The following MBD5 variants were observed in gnomAD, a reference collection of about 807,000 sequenced individuals.
The protein encoded by MBD5 is methyl-CpG binding domain protein 5, also known as methyl-CpG-binding domain protein 5.
Under a neutral mutation model 117.3 loss-of-function variants are expected in MBD5, and 13 were observed. The observed-to-expected ratio is 0.11, with a 90% CI of 0.07 to 0.18. The LOEUF is 0.18. Ranked by LOEUF, MBD5 falls within the 10% of genes least tolerant of loss-of-function variation. The pLI is 1.00. For missense variants in MBD5, 1,879 were observed against 2,093.8 expected, an observed-to-expected ratio of 0.90 and a Z score of 2.00; for synonymous variants, 727 against 766.4, an observed-to-expected ratio of 0.95 and a Z score of 0.85.
intron 10 of MBD5, among the ~76,000 whole-genome samples, chr2:148,486,383 C>A (rs2105097917): frequency 6.6e-6 from 1 of 152,078 alleles, no homozygotes; most frequent in East Asian, 1.9e-4. Context: ...GAAAGGGTAA[C>A]ACTAAATCCA....
At chr2:148,412,272 T>TGTGTGTGTGTG (rs1705276880) in intron 4 of MBD5, among the ~76,000 whole-genome samples, 17 of 144,480 alleles carry the variant, frequency 1.2e-4, no homozygotes, top group Non-Finnish European at 2.1e-4. Flanking sequence ...AGTATACTTT[T>TGTGTGTGTGTG]TGTGTGTGTG....
chr2:148,490,070 A>G lies in MBD5; in HGVS notation c.4438A>G (p.Ile1480Val), dbSNP rs746105686. Residue 1480 changes from isoleucine to valine, a missense_variant, in exon 11 of 14, where the codon ATA becomes GTA. Coordinates refer to ENST00000642680, the MANE Select transcript of MBD5 (RefSeq NM_001378120.1). ...LPFLPGEQHPILLPPRNCPGD... is the reference protein window; with the variant it reads ...LPFLPGEQHPVLLPPRNCPGD... ...ATTTCTGCCTGGGGAACAGCACCCA[A>G]TACTGTTACCACCAAGAAACTGTCC... is the stretch of plus-strand genomic sequence containing the variant. The G allele has an allele frequency of 1.9e-6, 3 of 1,614,010 alleles. No homozygotes were observed. The highest frequency in any genetic ancestry group is 2.5e-6 in the Non-Finnish European group (3 of 1,180,032).
Position 148,513,189 on chromosome 2 carries a change from ACT to A in MBD5, c.*251_*252del. 2.1e-6 allele frequency: 1 copy of A among 484,918 alleles called. No homozygotes were observed. 30.0% of individuals were successfully genotyped at this position (484,918 alleles called of 1,614,324 possible). A position where few individuals can be genotyped will look rare whatever the true frequency, so the allele number is the denominator to read the frequency against. On this transcript the variant is annotated 3_prime_UTR_variant, in exon 14 of 14. Coordinates refer to ENST00000642680, the MANE Select transcript of MBD5 (RefSeq NM_001378120.1). The stretch of plus-strand genomic sequence containing the variant: ...TCAATGGTCAAGAGATTACTGAGAA[ACT>A]CTTTTTCTATAATACTAAATTGTGA...
At chr2:148,406,845 C>T (rs966172300) in intron 4 of MBD5, among the ~76,000 whole-genome samples, 1 of 152,182 alleles carries the variant, frequency 6.6e-6, no homozygotes, top group East Asian at 1.9e-4. Context: ...CTTTCTCATC[C>T]TTTAGGTCTT....
At chr2:148,179,121 G>A (rs555017045) in intron 2 of MBD5, among the ~76,000 whole-genome samples, 1 of 152,220 alleles carries the variant, frequency 6.6e-6, no homozygotes, top group South Asian at 2.1e-4. Flanking sequence ...TTGGGAGGCC[G>A]AGGCGGGCGG....
At chr2:148,377,813 C>T (rs1013448019) in intron 4 of MBD5, among the ~76,000 whole-genome samples, 1 of 152,112 alleles carries the variant, frequency 6.6e-6, no homozygotes, top group Non-Finnish European at 1.5e-5. Flanking sequence ...GTATCCTCGA[C>T]AATAGAAACC....
intron 3 of MBD5, among the ~76,000 whole-genome samples, chr2:148,294,049 A>G (rs1701568844): frequency 6.6e-6 from 1 of 152,094 alleles, no homozygotes; most frequent in African/African-American, 2.4e-5. Context: ...TCTTCATGTC[A>G]GATTATCAAC....
intron 3 of MBD5, among the ~76,000 whole-genome samples, chr2:148,328,559 G>T (rs1289308758): frequency 1.3e-5 from 2 of 152,224 alleles, no homozygotes; most frequent in African/African-American, 4.8e-5. Flanking sequence ...CGCTTTTTAA[G>T]CCCATCGGAA....
At chr2:148,395,607 T>C (rs1704688980) in intron 4 of MBD5, among the ~76,000 whole-genome samples, 1 of 152,032 alleles carries the variant, frequency 6.6e-6, no homozygotes, top group Admixed American at 6.6e-5. Context: ...GTAGTTTTAG[T>C]AGAGACAGGG....
intron 4 of MBD5, among the ~76,000 whole-genome samples, chr2:148,354,977 G>A (rs949494883): frequency 3.3e-5 from 5 of 151,850 alleles, no homozygotes; most frequent in African/African-American, 1.2e-4. Flanking sequence ...ACTGGTGTGA[G>A]ATGGTATATC....
intron 1 of MBD5, among the ~76,000 whole-genome samples, chr2:148,152,726 T>C (rs1002647027): frequency 3.3e-5 from 5 of 150,688 alleles, no homozygotes; most frequent in Non-Finnish European, 6.0e-5. Flanking sequence ...TCTTTGTTGG[T>C]TTAAAGTCTG....
intron 3 of MBD5, among the ~76,000 whole-genome samples, chr2:148,238,553 T>C (rs1330917286): frequency 7.9e-5 from 12 of 152,214 alleles, no homozygotes; most frequent in Admixed American, 7.9e-4. Flanking sequence ...AATTTTGTTC[T>C]ATTAATATTA....
At chr2:148,342,582 G>A (rs1702974231) in intron 4 of MBD5, among the ~76,000 whole-genome samples, 1 of 151,330 alleles carries the variant, frequency 6.6e-6, no homozygotes, top group Non-Finnish European at 1.5e-5. Flanking sequence ...CCACCTTCAG[G>A]TAACTATTCT....
chr2:148,316,129 C>T (rs1440072671), intron 3 of MBD5, among the ~76,000 whole-genome samples: 1 of 152,112 alleles, frequency 6.6e-6, no homozygotes, highest in Non-Finnish European at 1.5e-5. Context: ...ATCATGAGAA[C>T]AGCCAGGGGA....
intron 1 of MBD5, among the ~76,000 whole-genome samples, chr2:148,110,027 T>C (rs913936622): frequency 1.3e-5 from 2 of 152,338 alleles, no homozygotes; most frequent in Admixed American, 1.3e-4. Context: ...TCACCATTGG[T>C]GTAAATATTT....
intron 1 of MBD5, among the ~76,000 whole-genome samples, chr2:148,139,368 A>T (rs1466125526): frequency 6.6e-6 from 1 of 151,960 alleles, no homozygotes; most frequent in African/African-American, 2.4e-5. Context: ...CACCACGCCC[A>T]GCTAATTTTG....
At chr2:148,403,309 A>G (rs1704979502) in intron 4 of MBD5, among the ~76,000 whole-genome samples, 2 of 151,914 alleles carry the variant, frequency 1.3e-5, no homozygotes, top group Admixed American at 6.6e-5. Context: ...CCACCCAAAT[A>G]GCTGAGATTA....
At chr2:148,377,902 G>A (rs1218517897) in intron 4 of MBD5, among the ~76,000 whole-genome samples, 2 of 152,050 alleles carry the variant, frequency 1.3e-5, no homozygotes, top group African/African-American at 4.8e-5. Context: ...TGGTTAGTTG[G>A]GTGAGTACAT....
intron 1 of MBD5, among the ~76,000 whole-genome samples, chr2:148,061,960 T>C (rs998268664): frequency 1.3e-5 from 2 of 151,670 alleles, no homozygotes; most frequent in Non-Finnish European, 3.0e-5. Flanking sequence ...GAGTAAAATA[T>C]ATATTCATGT....
Sources: allele counts gnomAD v4.1 joint callset (sites outside exome capture counted in the v4.1 genomes callset), GRCh38; gene constraint gnomAD v4.1.1; transcripts MANE v1.5; gene names NCBI Gene and HGNC (gene_info 2026-07-23, HGNC 2026-07-21).